The following TSHZ3 variants were observed in gnomAD, a reference collection of about 807,000 sequenced individuals.
TSHZ3 encodes teashirt homolog 3.
TSHZ3 carries 10 observed loss-of-function variants against 64.5 expected under a neutral mutation model. The ratio of observed to expected loss-of-function variants is 0.16; its 90% CI spans 0.10 to 0.26. The LOEUF (loss-of-function observed/expected upper bound fraction) is 0.26, where lower values mean the gene tolerates loss of function less well. TSHZ3 is among the 10% of genes least tolerant of loss of function. The pLI is 1.00. For synonymous variants in TSHZ3, 608 were observed against 593.1 expected (o/e 1.03, Z -0.36); for missense variants, 1,242 against 1,421.7 (o/e 0.87, Z 2.03).
intron 5 of TSHZ3, among the ~76,000 whole-genome samples, chr19:31,180,037 C>T (rs780124272): frequency 5.9e-5 from 9 of 152,118 alleles, no homozygotes; most frequent in Non-Finnish European, 1.3e-4. Context: ...TCCCTGAAAA[C>T]ACAGGAATTG....
chr19:31,341,368 C>G (rs936677964), intron 1 of TSHZ3, among the ~76,000 whole-genome samples: 1 of 152,002 alleles, frequency 6.6e-6, no homozygotes. Flanking sequence ...TGGTCTGGAT[C>G]CAGGGTAGGT....
intron 3 of TSHZ3, among the ~76,000 whole-genome samples, chr19:31,228,801 G>A (rs145001850): frequency 6.6e-6 from 1 of 152,272 alleles, no homozygotes; most frequent in East Asian, 1.9e-4. Context: ...ATGGGTCAGT[G>A]ACTGCAGGGT....
chr19:31,241,942 C>T (rs1975696289), intron 3 of TSHZ3, among the ~76,000 whole-genome samples: 2 of 152,220 alleles, frequency 1.3e-5, no homozygotes, highest in Admixed American at 1.3e-4. Context: ...CCACATACCT[C>T]ACTCTGATCA....
At chr19:31,256,095 T>C (rs1423857444) in intron 1 of TSHZ3, among the ~76,000 whole-genome samples, 3 of 152,098 alleles carry the variant, frequency 2.0e-5, no homozygotes, top group Non-Finnish European at 4.4e-5. Flanking sequence ...GGTCCCCATG[T>C]TCACCCTCCC....
At chr19:31,327,374 GA>G (rs1746405351) in intron 1 of TSHZ3, among the ~76,000 whole-genome samples, 1 of 152,194 alleles carries the variant, frequency 6.6e-6, no homozygotes, top group Admixed American at 6.5e-5. Context: ...TTTAAAAATT[GA>G]GGTAACTGAA....
At chr19:31,267,812 G>C (rs1354760804) in intron 1 of TSHZ3, among the ~76,000 whole-genome samples, 1 of 152,168 alleles carries the variant, frequency 6.6e-6, no homozygotes, top group Non-Finnish European at 1.5e-5. Flanking sequence ...TGAGCTTGTT[G>C]AGAATGGGGA....
At chr19:31,183,215 TCTCTCTCTCTCTTTC>T (rs1568340001) in intron 5 of TSHZ3, among the ~76,000 whole-genome samples, 1 of 100,304 alleles carries the variant, frequency 1.0e-5, no homozygotes, top group African/African-American at 5.4e-5. Flanking sequence ...TCTCTCTCTC[TCTCTCTCTCTCTTTC>T]TCTCTCTCTC....
intron 5 of TSHZ3, among the ~76,000 whole-genome samples, chr19:31,194,051 A>T (rs567275675): frequency 6.9e-6 from 1 of 144,762 alleles, no homozygotes; most frequent in African/African-American, 2.6e-5. Context: ...AGAGACAGAT[A>T]AGCAAATACA....
intron 6 of TSHZ3, among the ~76,000 whole-genome samples, chr19:31,154,840 G>A (rs1225098166): frequency 7.0e-6 from 1 of 142,662 alleles, no homozygotes; most frequent in African/African-American, 2.4e-5. Context: ...CTTGAAGGCA[G>A]GGTTTTGTGG....
At chr19:31,345,115 C>T (rs1917548689) in intron 1 of TSHZ3, among the ~76,000 whole-genome samples, 1 of 152,198 alleles carries the variant, frequency 6.6e-6, no homozygotes, top group Admixed American at 6.5e-5. Flanking sequence ...TGCCTCCCAC[C>T]TCCTTTGTTT....
At chr19:31,161,294 G>A (rs1389467993) in intron 5 of TSHZ3, among the ~76,000 whole-genome samples, 1 of 152,102 alleles carries the variant, frequency 6.6e-6, no homozygotes, top group Non-Finnish European at 1.5e-5. Context: ...CCAGTATTAA[G>A]GAGCACACAC....
chr19:31,254,337 G>A (rs921298352), intron 1 of TSHZ3, among the ~76,000 whole-genome samples: 5 of 152,136 alleles, frequency 3.3e-5, no homozygotes, highest in South Asian at 2.1e-4. Context: ...CAGCACGGCC[G>A]GGCCTGCAGA....
At chr19:31,311,803 A>G (rs1191410688) in intron 1 of TSHZ3, among the ~76,000 whole-genome samples, 1 of 152,126 alleles carries the variant, frequency 6.6e-6, no homozygotes, top group Non-Finnish European at 1.5e-5. Flanking sequence ...AGCTCACTGC[A>G]GCCTCCACCT....
At chr19:31,182,709 A>T (rs1011589990) in intron 5 of TSHZ3, among the ~76,000 whole-genome samples, 7 of 152,190 alleles carry the variant, frequency 4.6e-5, no homozygotes, top group African/African-American at 1.7e-4. Flanking sequence ...GCTTTAACCC[A>T]TACAACACGT....
chr19:31,309,642 C>T (rs777689262), intron 1 of TSHZ3, among the ~76,000 whole-genome samples: 20 of 152,312 alleles, frequency 1.3e-4, no homozygotes, highest in Middle Eastern at 3.4e-3. Flanking sequence ...ATGAAACGTG[C>T]GGATAAAGCA....
At chr19:31,183,043 G>C (rs1041752453) in intron 5 of TSHZ3, among the ~76,000 whole-genome samples, 1 of 152,140 alleles carries the variant, frequency 6.6e-6, no homozygotes, top group Non-Finnish European at 1.5e-5. Flanking sequence ...CCCAAGGAAA[G>C]GGGAATTCTG....
intron 1 of TSHZ3, among the ~76,000 whole-genome samples, chr19:31,321,799 T>C (rs995660053): frequency 1.2e-4 from 19 of 152,126 alleles, no homozygotes; most frequent in African/African-American, 4.3e-4. Context: ...ATATTATGTA[T>C]GAGTAAACGC....
intron 5 of TSHZ3, among the ~76,000 whole-genome samples, chr19:31,180,298 A>G (rs1490737381): frequency 6.6e-6 from 1 of 152,200 alleles, no homozygotes; most frequent in East Asian, 1.9e-4. Flanking sequence ...CCTAGATAGC[A>G]AGGTACGGGC....
At chr19:31,252,545 C>A (rs902325253) in intron 1 of TSHZ3, among the ~76,000 whole-genome samples, 19 of 152,160 alleles carry the variant, frequency 1.2e-4, no homozygotes, top group African/African-American at 4.6e-4. Context: ...GTCAGTTTCC[C>A]CATGCTGTTC....
Sources: gnomAD v4.1 joint callset for allele counts (sites outside exome capture counted in the v4.1 genomes callset) on GRCh38, gnomAD v4.1.1 for gene constraint, MANE v1.5 for transcripts, NCBI Gene and HGNC (gene_info 2026-07-23, HGNC 2026-07-21) for gene names.